ADD3: variants seen among roughly 807,000 people sequenced by gnomAD.
The protein encoded by ADD3 is adducin 3.
A neutral mutation model predicts 80.2 loss-of-function variants in ADD3; 25 were observed. The ratio of observed to expected loss-of-function variants is 0.31; its 90% CI spans 0.23 to 0.44. The LOEUF (loss-of-function observed/expected upper bound fraction) is 0.44. ADD3 is among the 20% of genes least tolerant of loss of function. The probability of loss-of-function intolerance (pLI) is 1.00; values close to 1 mark genes in which losing one functional copy is unlikely to be tolerated. For missense variants in ADD3, 829 were observed against 847.5 expected (o/e 0.98, Z 0.27); for synonymous variants, 284 against 289.6 (o/e 0.98, Z 0.20).
At chr10:110,084,848 G>A (rs1452964498) in intron 1 of ADD3, among the ~76,000 whole-genome samples, 5 of 152,072 alleles carry the variant, frequency 3.3e-5, no homozygotes, top group Non-Finnish European at 5.9e-5. Context: ...TTTAAAGTCT[G>A]CATTTCTGTT....
At chr10:110,054,567 G>A (rs1359603672) in intron 1 of ADD3, among the ~76,000 whole-genome samples, 1 of 150,780 alleles carries the variant, frequency 6.6e-6, no homozygotes, top group Non-Finnish European at 1.5e-5. Flanking sequence ...TCAGCCTGCG[G>A]AGTAGCTGGG....
chr10:110,060,244 A>G (rs949751823), intron 1 of ADD3, among the ~76,000 whole-genome samples: 1 of 152,118 alleles, frequency 6.6e-6, no homozygotes, highest in Admixed American at 6.5e-5. Context: ...TCGTTTTTCT[A>G]ATTTCCTAAT....
intron 1 of ADD3, among the ~76,000 whole-genome samples, chr10:110,093,263 G>A (rs1847772906): frequency 6.6e-6 from 1 of 152,138 alleles, no homozygotes; most frequent in Admixed American, 6.5e-5. Context: ...TTGTAGTTTA[G>A]ACATGTTTAT....
chr10:110,078,576 C>T (rs184352493), intron 1 of ADD3, among the ~76,000 whole-genome samples: 209 of 152,260 alleles, frequency 1.4e-3, no homozygotes, highest in African/African-American at 4.9e-3. Context: ...CAAGTGTTTT[C>T]GTGGACCTGG....
chr10:110,124,689 T>A (rs370117740), intron 10 of ADD3, among the ~76,000 whole-genome samples: 2 of 152,174 alleles, frequency 1.3e-5, no homozygotes, highest in African/African-American at 4.8e-5. Context: ...AACTCCTAAT[T>A]GTACCAAAGC....
At chr10:110,034,013 G>T (rs1465345685) in intron 1 of ADD3, among the ~76,000 whole-genome samples, 1 of 152,102 alleles carries the variant, frequency 6.6e-6, no homozygotes, top group African/African-American at 2.4e-5. Context: ...TTAAGTACAG[G>T]GTTTGCTTTG....
rs148633520 is a variant in ADD3, at chr10:110,130,393, C to T, written c.1639C>T (p.Pro547Ser). Reference sequence around the variant, plus strand: ...GCAATTTGAAGATGATGATCATGGCCCACCAGCTCCTCCTAACCCATTTAG... The same window carrying T: ...GCAATTTGAAGATGATGATCATGGCTCACCAGCTCCTCCTAACCCATTTAG... Reference protein sequence around the residue: ...TMQFEDDDHGPPAPPNPFSHL... With the variant: ...TMQFEDDDHGSPAPPNPFSHL... The change falls in exon 13 of 15, where the codon CCA (proline) becomes TCA (serine). Residue 547 changes from proline (P) to serine (S), a missense_variant. By Grantham distance (74) the Pro-to-Ser change is moderately conservative. Coordinates refer to ENST00000356080, the MANE Select transcript of ADD3 (RefSeq NM_016824.5). The T allele has an allele frequency of 1.8e-3, 2,861 of 1,613,786 alleles. 5 individuals are homozygous for T. Among genetic ancestry groups the T allele is most frequent in the Admixed American group, 2.2e-3 (133 of 59,986 alleles).
intron 1 of ADD3, among the ~76,000 whole-genome samples, chr10:110,059,437 A>G (rs1221390227): frequency 1.3e-5 from 2 of 151,970 alleles, no homozygotes; most frequent in Non-Finnish European, 2.9e-5. Context: ...GCGCTGCTGC[A>G]CTCCAGCCTG....
intron 1 of ADD3, among the ~76,000 whole-genome samples, chr10:110,087,537 A>G (rs761103167): frequency 6.6e-6 from 1 of 152,108 alleles, no homozygotes; most frequent in Non-Finnish European, 1.5e-5. Flanking sequence ...GAATGTTCAT[A>G]TTTTTCTTGC....
upstream of ADD3, among the ~76,000 whole-genome samples, chr10:110,005,212 C>A (rs536993204): frequency 3.9e-5 from 6 of 152,030 alleles, no homozygotes; most frequent in Non-Finnish European, 5.9e-5. Context: ...CAGGCGCCTG[C>A]CACCACGCCC....
At chr10:110,073,138 C>CTTTTTTTTTTTTTTT (rs1189793476) in intron 1 of ADD3, among the ~76,000 whole-genome samples, 21 of 94,220 alleles carry the variant, frequency 2.2e-4, no homozygotes, top group African/African-American at 9.1e-4. Flanking sequence ...TTTTAGTTTT[C>CTTTTTTTTTTTTTTT]TTTTTTTTTT....
At chr10:110,053,741 C>T (rs528650657) in intron 1 of ADD3, among the ~76,000 whole-genome samples, 1 of 152,194 alleles carries the variant, frequency 6.6e-6, no homozygotes, top group East Asian at 1.9e-4. Context: ...AGGTAAAATT[C>T]CCCTAGAACA....
chr10:110,007,267 G>GC (rs1363870625), upstream of ADD3, among the ~76,000 whole-genome samples: 1 of 152,202 alleles, frequency 6.6e-6, no homozygotes, highest in Non-Finnish European at 1.5e-5. Flanking sequence ...TCCAAATGAA[G>GC]CAGAAGCGAG....
chr10:110,091,337 A>T (rs187849261), intron 1 of ADD3, among the ~76,000 whole-genome samples: 1 of 152,346 alleles, frequency 6.6e-6, no homozygotes, highest in East Asian at 1.9e-4. Flanking sequence ...ATTTGTGAGA[A>T]GAACCTTTGG....
chr10:110,063,303 A>G (rs1388042070), intron 1 of ADD3, among the ~76,000 whole-genome samples: 1 of 152,146 alleles, frequency 6.6e-6, no homozygotes, highest in East Asian at 1.9e-4. Context: ...ATGTATTTAA[A>G]TCCATTATAT....
chr10:110,092,963 A>C (rs1847730304), intron 1 of ADD3, among the ~76,000 whole-genome samples: 1 of 152,070 alleles, frequency 6.6e-6, no homozygotes, highest in East Asian at 1.9e-4. Context: ...GGGTTCAAGC[A>C]ATTCTCTTGC....
At chr10:110,053,925 A>T (rs1358341777) in intron 1 of ADD3, among the ~76,000 whole-genome samples, 1 of 152,222 alleles carries the variant, frequency 6.6e-6, no homozygotes, top group Non-Finnish European at 1.5e-5. Context: ...GAAGATGTTT[A>T]TCATAACAGA....
chr10:110,066,868 A>G (rs149930001), intron 1 of ADD3, among the ~76,000 whole-genome samples: 213 of 152,252 alleles, frequency 1.4e-3, no homozygotes, highest in African/African-American at 4.9e-3. Flanking sequence ...TAGTGGTGTG[A>G]TCTATATAAT....
intron 1 of ADD3, among the ~76,000 whole-genome samples, chr10:110,023,519 A>C (rs1319098627): frequency 6.6e-6 from 1 of 152,240 alleles, no homozygotes; most frequent in African/African-American, 2.4e-5. Flanking sequence ...TGAACAATGG[A>C]GAGGCTGAAG....
Sources: allele counts gnomAD v4.1 joint callset (sites outside exome capture counted in the v4.1 genomes callset), GRCh38; gene constraint gnomAD v4.1.1; transcripts MANE v1.5; gene names NCBI Gene and HGNC (gene_info 2026-07-23, HGNC 2026-07-21).